Variants in CD109 observed in about 807,000 individuals in gnomAD.
CD109 encodes CD109 molecule.
In CD109, 149 loss-of-function variants were observed where a neutral mutation model predicts 165.8. The ratio of observed to expected loss-of-function variants is 0.90; its 90% CI spans 0.79 to 1.03. CD109 has a LOEUF of 1.03. CD109 is among the 50% of genes least tolerant of loss of function. The pLI is 0.00. For synonymous variants in CD109, 585 were observed against 592.1 expected (o/e 0.99, Z 0.18); for missense variants, 1,712 against 1,677.8 (o/e 1.02, Z -0.36).
chr6:73,783,893 T>C (rs1373785351), intron 19 of CD109, 69 bp downstream of exon 19: 17 of 265,974 alleles, frequency 6.4e-5, no homozygotes, highest in Middle Eastern at 7.9e-4. Flanking sequence ...AGCTCCTCAA[T>C]TTTTTTTTTA....
chr6:73,701,963 A>G (rs992838287), intron 2 of CD109, among the ~76,000 whole-genome samples: 2 of 152,114 alleles, frequency 1.3e-5, no homozygotes, highest in African/African-American at 2.4e-5. Flanking sequence ...CCAAAAACCT[A>G]AACTGAAAAT....
chr6:73,780,478 A>C lies in CD109; in HGVS notation c.1882A>C (p.Asn628His). Residue 628 changes from asparagine (N) to histidine (H), a missense_variant, in exon 16 of 33, where the codon AAT (asparagine) becomes CAT (histidine). Asn to His is a moderately conservative substitution (Grantham distance 68). Coordinates refer to ENST00000287097, the MANE Select transcript of CD109 (RefSeq NM_133493.5). ...AGGATATTATTTAGGCATGTTCATG[A>C]ATTCTTTTGCAGTCTTTCAGGTATG... ...NTGYYLGMFM[N>H]SFAVFQECGL... 1 of 1,608,998 alleles carries C rather than the reference A, an allele frequency of 6.2e-7. No individual in the cohort carries two copies. Among genetic ancestry groups the C allele is most frequent in the Non-Finnish European group, 8.5e-7 (1 of 1,175,964 alleles).
At chr6:73,680,648 A>C in the CD109 span, among the ~76,000 whole-genome samples, 1 of 152,218 alleles carries the variant, frequency 6.6e-6, no homozygotes, top group African/African-American at 2.4e-5. Context: ...CATGCCTGAA[A>C]GTCTGGCACT....
At chr6:73,766,227 A>C in intron 11 of CD109, 73 bp downstream of exon 11, 1 of 1,145,308 alleles carries the variant, frequency 8.7e-7, no homozygotes, top group Non-Finnish European at 1.3e-6. Context: ...TAGGCACTCA[A>C]CCTGTCAGAA....
chr6:73,717,796 T>C lies in CD109; in HGVS notation c.248-5455T>C, dbSNP rs535181898. On this transcript the variant is annotated intron_variant, in intron 2 of 32. Coordinates refer to ENST00000287097, the MANE Select transcript of CD109 (RefSeq NM_133493.5). ...AACCACGCCCGGCTAATTTTTTGTA[T>C]TTTTAGTAGAGACGGGGTTTCACCG... 2.6e-5 allele frequency among the ~76,000 whole-genome samples: 4 copies of C among 151,752 alleles called. No homozygotes were observed. The South Asian group carries it at 8.3e-4, about 32-fold the overall frequency.
chr6:73,727,741 C>G (rs141547083), intron 3 of CD109, among the ~76,000 whole-genome samples: 1 of 152,232 alleles, frequency 6.6e-6, no homozygotes, highest in African/African-American at 2.4e-5. Flanking sequence ...ATAAACATAT[C>G]AAATCAGGAA....
chr6:73,691,694 T>C (rs571629299), upstream of CD109, among the ~76,000 whole-genome samples: 4 of 152,296 alleles, frequency 2.6e-5, no homozygotes, highest in East Asian at 3.9e-4. Context: ...CATAGTTATG[T>C]TATGCTGCAC....
chr6:73,703,954 G>A (rs1327938802), intron 2 of CD109, among the ~76,000 whole-genome samples: 5 of 152,182 alleles, frequency 3.3e-5, no homozygotes, highest in African/African-American at 1.2e-4. Flanking sequence ...GGAAGCCAAG[G>A]TAGGTGGATC....
At chr6:73,744,781 C>A (rs572430124) in intron 5 of CD109, among the ~76,000 whole-genome samples, 9 of 152,298 alleles carry the variant, frequency 5.9e-5, no homozygotes, top group Admixed American at 2.0e-4. Context: ...GTCTTCTGTA[C>A]CCCTCTCTGA....
At position 73,806,945 on chromosome 6, in the gene CD109, A is replaced by T. The variant is rs776640847; in HGVS notation, c.3062A>T (p.Gln1021Leu). The change falls in exon 25 of 33, where the codon CAG becomes CTG. Residue 1021 changes from glutamine (Q) to leucine (L), a missense_variant. By Grantham distance (113) the Gln-to-Leu change is moderately radical (BLOSUM62 -2). Transcript: ENST00000287097. ...ACATACACTTGGCTTAAAGGACATC[A>T]GAAATCCAACGGTGAATTTTGGGAT... is the stretch of plus-strand genomic sequence containing the variant. ...HRTYTWLKGH[Q>L]KSNGEFWDPG... The T allele has an allele frequency of 6.2e-7, 1 of 1,614,054 alleles. No individual in the cohort carries two copies.
chr6:73,772,534 A>G (rs1046459454), intron 15 of CD109, among the ~76,000 whole-genome samples: 1 of 149,620 alleles, frequency 6.7e-6, no homozygotes, highest in Non-Finnish European at 1.5e-5. Flanking sequence ...AAAAAAAATT[A>G]CAGTTCCCAT....
the CD109 span, among the ~76,000 whole-genome samples, chr6:73,690,284 G>A: frequency 6.6e-6 from 1 of 152,058 alleles, no homozygotes; most frequent in African/African-American, 2.4e-5. Context: ...TGCTAAATAT[G>A]TCTTCCTAAA....
chr6:73,691,588 A>G (rs1411556065), upstream of CD109, among the ~76,000 whole-genome samples: 2 of 152,182 alleles, frequency 1.3e-5, no homozygotes, highest in Non-Finnish European at 2.9e-5. Context: ...TACTCATGAC[A>G]TGGAAGTTGG....
chr6:73,705,035 C>A (rs935097465), intron 2 of CD109, among the ~76,000 whole-genome samples: 1 of 152,050 alleles, frequency 6.6e-6, no homozygotes, highest in African/African-American at 2.4e-5. Context: ...GTACTAGAGA[C>A]GGGAAGGGTG....
At chr6:73,737,188 A>T (rs1056222195) in intron 5 of CD109, among the ~76,000 whole-genome samples, 2 of 152,250 alleles carry the variant, frequency 1.3e-5, no homozygotes, top group African/African-American at 4.8e-5. Context: ...ATTTTTCTAT[A>T]TTTATGTGAC....
chr6:73,791,914 AAATAAACTAC>A (rs1251483659), intron 22 of CD109, among the ~76,000 whole-genome samples: 1 of 152,204 alleles, frequency 6.6e-6, no homozygotes, highest in Non-Finnish European at 1.5e-5. Flanking sequence ...TAAGTTTTCA[AAATAAACTAC>A]ATAGAAAGAT....
chr6:73,704,866 T>C (rs1771206033), intron 2 of CD109, among the ~76,000 whole-genome samples: 1 of 152,192 alleles, frequency 6.6e-6, no homozygotes, highest in African/African-American at 2.4e-5. Flanking sequence ...TTTTTATTTT[T>C]TGTATAAAAA....
At chr6:73,781,459 GTTT>G in intron 17 of CD109, 140 bp downstream of exon 17, 1 of 693,530 alleles carries the variant, frequency 1.4e-6, no homozygotes, top group Non-Finnish European at 2.4e-6. Context: ...AATGTTTGGA[GTTT>G]AATGTACTTA....
intron 5 of CD109, among the ~76,000 whole-genome samples, chr6:73,741,642 C>T (rs1046521142): frequency 4.6e-5 from 7 of 152,042 alleles, no homozygotes; most frequent in African/African-American, 1.7e-4. Context: ...TGACAGTTTT[C>T]TCAAATAATT....
Sources: gnomAD v4.1 joint callset for allele counts (sites outside exome capture counted in the v4.1 genomes callset) on GRCh38, gnomAD v4.1.1 for gene constraint, MANE v1.5 for transcripts, NCBI Gene and HGNC (gene_info 2026-07-23, HGNC 2026-07-21) for gene names.